NAV2: variants seen among roughly 807,000 people sequenced by gnomAD.
NAV2 encodes helicase, APC down-regulated 1.
Under a neutral mutation model 223.2 loss-of-function variants are expected in NAV2, and 54 were observed. The ratio of observed to expected loss-of-function variants is 0.24; its 90% CI spans 0.19 to 0.30. NAV2 has a LOEUF of 0.30. NAV2 is among the 10% of genes least tolerant of loss of function. The probability of loss-of-function intolerance (pLI) is 1.00; values close to 1 mark genes in which losing one functional copy is unlikely to be tolerated. For missense variants in NAV2, 2,806 were observed against 3,147.5 expected, an observed-to-expected ratio of 0.89 and a Z score of 2.60; for synonymous variants, 1,279 against 1,239.3, an observed-to-expected ratio of 1.03 and a Z score of -0.67.
At chr11:19,438,420 C>A (rs1299725159) in intron 1 of NAV2, among the ~76,000 whole-genome samples, 1 of 152,180 alleles carries the variant, frequency 6.6e-6, no homozygotes, top group Non-Finnish European at 1.5e-5. Flanking sequence ...CCTGTGCAAT[C>A]CTGGGGAACT....
intron 6 of NAV2, among the ~76,000 whole-genome samples, chr11:19,897,351 G>T (rs1405112596): frequency 6.6e-6 from 1 of 151,986 alleles, no homozygotes; most frequent in Admixed American, 6.6e-5. Context: ...CCTGCACGTT[G>T]TGCACATGTA....
intron 3 of NAV2, among the ~76,000 whole-genome samples, chr11:19,855,884 G>A (rs756350581): frequency 7.2e-5 from 11 of 152,280 alleles, no homozygotes; most frequent in Admixed American, 1.3e-4. Context: ...AGGATTTGCC[G>A]GGATTTGATT....
At chr11:19,456,872 G>A (rs1590236901) in intron 1 of NAV2, among the ~76,000 whole-genome samples, 1 of 152,144 alleles carries the variant, frequency 6.6e-6, no homozygotes, top group African/African-American at 2.4e-5. Context: ...TGCTTAACAG[G>A]CTGATGTGAG....
At chr11:20,064,193 T>C (rs1192227776) in intron 20 of NAV2, among the ~76,000 whole-genome samples, 1 of 152,236 alleles carries the variant, frequency 6.6e-6, no homozygotes, top group African/African-American at 2.4e-5. Flanking sequence ...TCCTTTCTTC[T>C]AGAATGAAAC....
chr11:19,417,179 A>G (rs1231313095), intron 1 of NAV2, among the ~76,000 whole-genome samples: 1 of 152,148 alleles, frequency 6.6e-6, no homozygotes, highest in Non-Finnish European at 1.5e-5. Context: ...ATGGGAGAAA[A>G]TTTTTGCGAT....
At chr11:19,926,472 T>A (rs1167235266) in intron 6 of NAV2, among the ~76,000 whole-genome samples, 1 of 152,106 alleles carries the variant, frequency 6.6e-6, no homozygotes, top group Non-Finnish European at 1.5e-5. Context: ...GCAGTGCTGC[T>A]GAGGAGGCTC....
chr11:19,601,138 A>T (rs576041978), intron 1 of NAV2, among the ~76,000 whole-genome samples: 3 of 152,302 alleles, frequency 2.0e-5, no homozygotes, highest in East Asian at 3.9e-4. Context: ...AGCTAGGTGG[A>T]TGAGTTACCC....
intron 1 of NAV2, among the ~76,000 whole-genome samples, chr11:19,579,852 G>A (rs887778752): frequency 6.6e-6 from 1 of 152,184 alleles, no homozygotes; most frequent in South Asian, 2.1e-4. Context: ...TTGGAGACAA[G>A]AGGCTCTGAG....
intron 1 of NAV2, among the ~76,000 whole-genome samples, chr11:19,702,960 T>C (rs1444115102): frequency 6.6e-6 from 1 of 151,136 alleles, no homozygotes; most frequent in Non-Finnish European, 1.5e-5. Context: ...AAGAAATTAA[T>C]AGTCCCTAAT....
At chr11:19,985,768 G>A (rs937536051) in intron 11 of NAV2, among the ~76,000 whole-genome samples, 2 of 152,040 alleles carry the variant, frequency 1.3e-5, no homozygotes, top group Non-Finnish European at 2.9e-5. Flanking sequence ...TAGAGACGGG[G>A]TTTCACCATG....
intron 1 of NAV2, among the ~76,000 whole-genome samples, chr11:19,435,411 T>C (rs910019158): frequency 6.6e-6 from 1 of 152,146 alleles, no homozygotes; most frequent in Admixed American, 6.6e-5. Flanking sequence ...GATGTTTCTG[T>C]TTTTTTAATG....
intron 1 of NAV2, among the ~76,000 whole-genome samples, chr11:19,756,886 G>C (rs2054274702): frequency 6.6e-6 from 1 of 152,128 alleles, no homozygotes. Context: ...CCCCTTTCCT[G>C]AATTGCCCCT....
At chr11:19,467,387 A>G (rs1299047311) in intron 1 of NAV2, among the ~76,000 whole-genome samples, 2 of 152,162 alleles carry the variant, frequency 1.3e-5, no homozygotes, top group Non-Finnish European at 2.9e-5. Flanking sequence ...TCTTGGTGGT[A>G]ATTTCTGATT....
chr11:20,081,523 G>T lies in NAV2; in HGVS notation c.5325+1314G>T, dbSNP rs146921107. Among the ~76,000 whole-genome samples the T allele has an allele frequency of 2.6e-3, 396 of 152,296 alleles. 1 individual carries two copies. The highest frequency in any genetic ancestry group is 9.3e-3 in the African/African-American group (385 of 41,558). On this transcript the variant is annotated intron_variant, in intron 25 of 37. Transcript: ENST00000349880. The stretch of plus-strand genomic sequence containing the variant: ...CAAAGCTTAGCTCTGTCTGATCTTT[G>T]TAATCTCCTCTTCCACCTGGCTTTT...
intron 1 of NAV2, among the ~76,000 whole-genome samples, chr11:19,800,046 C>A (rs977707025): frequency 5.9e-5 from 9 of 152,192 alleles, no homozygotes; most frequent in African/African-American, 2.2e-4. Flanking sequence ...TCAAGGGAGC[C>A]CCTCATCTTC....
intron 20 of NAV2, among the ~76,000 whole-genome samples, chr11:20,066,141 C>T (rs1004889821): frequency 1.6e-4 from 25 of 152,218 alleles, no homozygotes; most frequent in Non-Finnish European, 2.9e-5. Context: ...GTCTCTGGCA[C>T]ATGGTAAGCA....
chr11:19,989,680 A>G (rs887969188), intron 11 of NAV2, among the ~76,000 whole-genome samples: 4 of 152,278 alleles, frequency 2.6e-5, no homozygotes, highest in South Asian at 2.1e-4. Flanking sequence ...AACTGTGTCA[A>G]GCACCTTGCA....
intron 1 of NAV2, among the ~76,000 whole-genome samples, chr11:19,801,493 T>C (rs1370398429): frequency 6.6e-6 from 1 of 152,250 alleles, no homozygotes; most frequent in Non-Finnish European, 1.5e-5. Flanking sequence ...CTTCCCTCTC[T>C]GAGGCTTACG....
rs2052110190 is a variant in NAV2 at position 19,998,126 on chromosome 11, A to G, written c.2768+13879A>G. On this transcript the variant is annotated intron_variant, in intron 11 of 37. Coordinates refer to ENST00000349880, the MANE Select transcript of NAV2 (RefSeq NM_145117.5). The surrounding 1 kb of genome is among the most constrained non-coding windows in gnomAD (Gnocchi z 5.0). The stretch of plus-strand genomic sequence containing the variant: ...CAGTAGGAGACGTTTGCTATATTTT[A>G]GGTAATTAATATTATCCTAAGATAA... Among the ~76,000 whole-genome samples, 1 of 151,320 alleles carries G rather than the reference A, an allele frequency of 6.6e-6. No homozygotes were observed. Among genetic ancestry groups the G allele is most frequent in the Non-Finnish European group, 1.5e-5 (1 of 67,670 alleles).
Sources: allele counts gnomAD v4.1 joint callset (sites outside exome capture counted in the v4.1 genomes callset), GRCh38; gene constraint gnomAD v4.1.1; non-coding constraint Gnocchi (gnomAD v3.1); transcripts MANE v1.5; gene names NCBI Gene and HGNC (gene_info 2026-07-23, HGNC 2026-07-21).